LRRC8D: variants seen among roughly 807,000 people sequenced by gnomAD.
The protein encoded by LRRC8D is leucine rich repeat containing 8 VRAC subunit D.
LRRC8D carries 20 observed loss-of-function variants against 55.8 expected under a neutral mutation model. The ratio of observed to expected loss-of-function variants is 0.36; its 90% confidence interval spans 0.25 to 0.52. The LOEUF (loss-of-function observed/expected upper bound fraction) is 0.52. Among genes scored for constraint, LRRC8D ranks in the 20% least tolerant of loss-of-function variants. The pLI is 0.93. For missense variants in LRRC8D, 651 were observed against 1,030.8 expected (o/e 0.63, Z 5.05); for synonymous variants, 352 against 377.0 (o/e 0.93, Z 0.77).
intron 1 of LRRC8D, among the ~76,000 whole-genome samples, chr1:89,842,537 G>A (rs1340316765): frequency 1.3e-5 from 2 of 152,210 alleles, no homozygotes; most frequent in African/African-American, 2.4e-5. Context: ...ATTATTGTTT[G>A]TATTACATTC....
At chr1:89,867,492 C>T (rs1661881172) in intron 2 of LRRC8D, among the ~76,000 whole-genome samples, 1 of 152,204 alleles carries the variant, frequency 6.6e-6, no homozygotes, top group Admixed American at 6.5e-5. Context: ...ACTATATACT[C>T]CACATTTTAT....
chr1:89,838,656 T>G (rs1464302819), intron 1 of LRRC8D, among the ~76,000 whole-genome samples: 1 of 152,188 alleles, frequency 6.6e-6, no homozygotes, highest in Non-Finnish European at 1.5e-5. Context: ...TACCCTTCTT[T>G]CACAGTATTA....
At position 89,936,221 on chromosome 1, in the gene LRRC8D, TACTCTTACAG is replaced by T. The variant is rs1663852593; in HGVS notation, c.*580_*589del. The T allele has an allele frequency of 1.8e-5, 3 of 167,286 alleles. No individual in the cohort carries two copies. The allele number at this position is 167,286 out of a possible 1,614,324, so 10.4% of individuals were successfully genotyped here. On this transcript the variant is annotated 3_prime_UTR_variant, in exon 3 of 3. Transcript: ENST00000337338. Reference sequence around the variant, plus strand: ...TGAGCACCTCGTGTCATAGATTTTATACTCTTACAGACTTGGAATGCAGTAGAGGTATGTG... The same window carrying T: ...TGAGCACCTCGTGTCATAGATTTTATACTTGGAATGCAGTAGAGGTATGTG...
At chr1:89,896,510 G>A (rs1017132522) in intron 2 of LRRC8D, among the ~76,000 whole-genome samples, 2 of 152,142 alleles carry the variant, frequency 1.3e-5, no homozygotes, top group African/African-American at 4.8e-5. Context: ...CAGTGGCTTG[G>A]CAGGGAGAGA....
chr1:89,887,331 T>C (rs946832862), intron 2 of LRRC8D, among the ~76,000 whole-genome samples: 1 of 152,222 alleles, frequency 6.6e-6, no homozygotes, highest in African/African-American at 2.4e-5. Flanking sequence ...ACTAAATGCT[T>C]GTTGAGTGAA....
chr1:89,901,870 G>T (rs1439606579), intron 2 of LRRC8D, among the ~76,000 whole-genome samples: 1 of 152,230 alleles, frequency 6.6e-6, no homozygotes, highest in Non-Finnish European at 1.5e-5. Context: ...GCCTCTGAAG[G>T]CTTCGTCTTC....
At chr1:89,847,066 T>TAGA in intron 2 of LRRC8D, among the ~76,000 whole-genome samples, 1 of 152,206 alleles carries the variant, frequency 6.6e-6, no homozygotes, top group Non-Finnish European at 1.5e-5. Context: ...CCCATGTAAC[T>TAGA]TTAAATTATA....
intron 2 of LRRC8D, among the ~76,000 whole-genome samples, chr1:89,867,491 T>A (rs72716327): frequency 0.33 from 49,601 of 152,116 alleles, 8,640 homozygotes; most frequent in African/African-American, 0.44. Flanking sequence ...AACTATATAC[T>A]CCACATTTTA....
intron 2 of LRRC8D, among the ~76,000 whole-genome samples, chr1:89,906,572 A>T (rs1662999544): frequency 6.6e-6 from 1 of 152,180 alleles, no homozygotes; most frequent in African/African-American, 2.4e-5. Context: ...CTGCTTGCTC[A>T]CAATGCCTGT....
chr1:89,854,989 T>C (rs139725167), intron 2 of LRRC8D, among the ~76,000 whole-genome samples: 39 of 152,330 alleles, frequency 2.6e-4, no homozygotes, highest in African/African-American at 8.9e-4. Context: ...GAGGAATCAC[T>C]GGTAGCAGAT....
chr1:89,924,569 T>C (rs903653199), intron 2 of LRRC8D, among the ~76,000 whole-genome samples: 1 of 152,230 alleles, frequency 6.6e-6, no homozygotes, highest in Non-Finnish European at 1.5e-5. Flanking sequence ...ATTGTGTATA[T>C]ACCCAAAGGA....
intron 1 of LRRC8D, among the ~76,000 whole-genome samples, chr1:89,827,296 G>A (rs979756261): frequency 6.8e-6 from 1 of 147,876 alleles, no homozygotes. Context: ...TTTGCAGTGA[G>A]CTGAGATCGC....
At chr1:89,900,569 T>C (rs1662825243) in intron 2 of LRRC8D, among the ~76,000 whole-genome samples, 1 of 151,732 alleles carries the variant, frequency 6.6e-6, no homozygotes, top group East Asian at 1.9e-4. Context: ...GTAGTACATG[T>C]TTACCACTTG....
At chr1:89,869,446 A>G (rs1031439454) in intron 2 of LRRC8D, among the ~76,000 whole-genome samples, 15 of 152,224 alleles carry the variant, frequency 9.9e-5, no homozygotes, top group Admixed American at 2.0e-4. Context: ...CCTCCAAGAA[A>G]TATGGGACTA....
At chr1:89,870,648 A>G (rs911824039) in intron 2 of LRRC8D, among the ~76,000 whole-genome samples, 3 of 152,188 alleles carry the variant, frequency 2.0e-5, no homozygotes, top group African/African-American at 7.2e-5. Flanking sequence ...ATATTTTGTC[A>G]CTGAAGAGAT....
At chr1:89,906,881 G>A (rs1444069197) in intron 2 of LRRC8D, among the ~76,000 whole-genome samples, 1 of 151,978 alleles carries the variant, frequency 6.6e-6, no homozygotes, top group East Asian at 1.9e-4. Flanking sequence ...TGCTTTTCCT[G>A]TTCGTTGCAT....
chr1:89,858,639 TAAATA>T (rs1364630042), intron 2 of LRRC8D, among the ~76,000 whole-genome samples: 1 of 149,846 alleles, frequency 6.7e-6, no homozygotes, highest in Non-Finnish European at 1.5e-5. Flanking sequence ...ATAATTTTAG[TAAATA>T]AAATTTTGTA....
chr1:89,843,952 G>C (rs1310747310), intron 2 of LRRC8D, among the ~76,000 whole-genome samples, 170 bp downstream of exon 2: 2 of 152,238 alleles, frequency 1.3e-5, no homozygotes, highest in Admixed American at 6.5e-5. Flanking sequence ...CTGCCGCCCT[G>C]GGTTCGGGCC....
chr1:89,892,132 A>G (rs1309894376), intron 2 of LRRC8D, among the ~76,000 whole-genome samples: 5 of 152,216 alleles, frequency 3.3e-5, no homozygotes, highest in Non-Finnish European at 5.9e-5. Flanking sequence ...GTCAAGCCAT[A>G]TGTTTGCCCC....
Sources: gnomAD v4.1 joint callset for allele counts (sites outside exome capture counted in the v4.1 genomes callset) on GRCh38, gnomAD v4.1.1 for gene constraint, MANE v1.5 for transcripts, NCBI Gene and HGNC (gene_info 2026-07-23, HGNC 2026-07-21) for gene names.